SCFD2: variants seen among roughly 807,000 people sequenced by gnomAD.
The protein encoded by SCFD2 is sec1 family domain containing 2.
SCFD2 carries 54 observed loss-of-function variants against 58.9 expected under a neutral mutation model. That is an observed-to-expected ratio of 0.92 (90% confidence interval 0.74 to 1.15). The LOEUF (loss-of-function observed/expected upper bound fraction) is 1.15, where lower values mean the gene tolerates loss of function less well. Among genes scored for constraint, SCFD2 ranks in the 50% most tolerant of loss-of-function variants. SCFD2 has a pLI of 0.00. For missense variants in SCFD2, 805 were observed against 836.6 expected (o/e 0.96, Z 0.47); for synonymous variants, 321 against 335.9 (o/e 0.96, Z 0.49).
intron 3 of SCFD2, among the ~76,000 whole-genome samples, chr4:53,288,731 C>T (rs536717795): frequency 6.6e-5 from 10 of 152,272 alleles, no homozygotes; most frequent in African/African-American, 2.4e-4. Flanking sequence ...CATTACTAAA[C>T]CAGCTTCAGA....
chr4:53,221,925 C>T (rs532362297), intron 4 of SCFD2, among the ~76,000 whole-genome samples: 3 of 152,318 alleles, frequency 2.0e-5, no homozygotes, highest in Non-Finnish European at 2.9e-5. Context: ...CAAAATACTA[C>T]ATTAGCAACA....
intron 4 of SCFD2, among the ~76,000 whole-genome samples, chr4:53,158,234 G>A (rs1172894210): frequency 6.6e-6 from 1 of 152,106 alleles, no homozygotes; most frequent in Non-Finnish European, 1.5e-5. Context: ...TATCCTGTTC[G>A]AGTCCCTATA....
At chr4:53,036,625 A>C (rs1359410645) in intron 5 of SCFD2, among the ~76,000 whole-genome samples, 2 of 151,764 alleles carry the variant, frequency 1.3e-5, no homozygotes, top group Non-Finnish European at 2.9e-5. Flanking sequence ...TTCTCACGCA[A>C]AAGTGGGAGT....
intron 7 of SCFD2, among the ~76,000 whole-genome samples, chr4:52,905,199 T>C (rs1032506763): frequency 4.6e-5 from 7 of 152,258 alleles, no homozygotes; most frequent in African/African-American, 1.4e-4. Context: ...ACATCTTCTC[T>C]TGATGGCCTC....
intron 4 of SCFD2, among the ~76,000 whole-genome samples, chr4:53,253,591 G>C (rs1343447705): frequency 1.3e-5 from 2 of 151,870 alleles, no homozygotes; most frequent in South Asian, 2.1e-4. Flanking sequence ...CCTTTGTAGG[G>C]ACATGGATGA....
At chr4:52,931,059 C>T (rs56157639) in intron 5 of SCFD2, among the ~76,000 whole-genome samples, 1 of 152,164 alleles carries the variant, frequency 6.6e-6, no homozygotes, top group Non-Finnish European at 1.5e-5. Flanking sequence ...TCTTCCCATT[C>T]CCAAGGAAGG....
At chr4:53,212,081 C>A (rs1317720233) in intron 4 of SCFD2, among the ~76,000 whole-genome samples, 1 of 152,088 alleles carries the variant, frequency 6.6e-6, no homozygotes, top group Non-Finnish European at 1.5e-5. Context: ...ATAGTACACC[C>A]CCCAACCAAA....
intron 4 of SCFD2, among the ~76,000 whole-genome samples, chr4:53,235,568 G>T (rs1467849997): frequency 1.3e-5 from 2 of 152,274 alleles, no homozygotes; most frequent in African/African-American, 4.8e-5. Context: ...TAAACGAGAA[G>T]TAAATATAAA....
intron 5 of SCFD2, among the ~76,000 whole-genome samples, chr4:52,970,461 G>T (rs1033049817): frequency 6.6e-6 from 1 of 152,230 alleles, no homozygotes; most frequent in Non-Finnish European, 1.5e-5. Context: ...GTGGCAGCGA[G>T]GCTCGGGGAG....
chr4:53,331,411 G>T (rs1733460835), intron 2 of SCFD2, among the ~76,000 whole-genome samples: 1 of 152,140 alleles, frequency 6.6e-6, no homozygotes, highest in African/African-American at 2.4e-5. Flanking sequence ...AGACCACAGT[G>T]CAATCAAACT....
At chr4:53,247,334 T>G (rs1371655813) in intron 4 of SCFD2, among the ~76,000 whole-genome samples, 1 of 152,186 alleles carries the variant, frequency 6.6e-6, no homozygotes, top group Non-Finnish European at 1.5e-5. Context: ...AGTATGGAGA[T>G]TCCTCAAAGA....
intron 4 of SCFD2, among the ~76,000 whole-genome samples, chr4:53,222,176 C>A (rs558841987): frequency 6.6e-6 from 1 of 152,240 alleles, no homozygotes; most frequent in African/African-American, 2.4e-5. Context: ...TTTTCTAACA[C>A]AAGAAAACAG....
At chr4:52,890,799 G>A (rs1352870407) in intron 7 of SCFD2, among the ~76,000 whole-genome samples, 8 of 152,176 alleles carry the variant, frequency 5.3e-5, no homozygotes, top group East Asian at 1.9e-4. Flanking sequence ...TGAGGTGTGC[G>A]CCCCTGAGAG....
intron 5 of SCFD2, among the ~76,000 whole-genome samples, chr4:53,029,415 AGCT>A (rs1188210206): frequency 6.6e-6 from 1 of 152,178 alleles, no homozygotes; most frequent in Non-Finnish European, 1.5e-5. Context: ...GCAAGATAGA[AGCT>A]CTAATATTTT....
At chr4:53,154,911 G>A (rs1726619701) in intron 4 of SCFD2, among the ~76,000 whole-genome samples, 1 of 152,216 alleles carries the variant, frequency 6.6e-6, no homozygotes, top group African/African-American at 2.4e-5. Context: ...AAGGCCATGA[G>A]CCATGGAATG....
chr4:53,095,865 C>A (rs1262493491), intron 5 of SCFD2, among the ~76,000 whole-genome samples: 1 of 151,836 alleles, frequency 6.6e-6, no homozygotes, highest in African/African-American at 2.4e-5. Context: ...TGCTATCCCT[C>A]CCCCCATCCC....
chr4:52,921,941 T>C (rs1206866689), intron 5 of SCFD2, among the ~76,000 whole-genome samples: 1 of 152,144 alleles, frequency 6.6e-6, no homozygotes, highest in African/African-American at 2.4e-5. Context: ...CGTGGAGGAA[T>C]AATTCTGAGT....
chr4:53,273,538 G>T (rs1001171406), intron 4 of SCFD2: 26 of 234,324 alleles, frequency 1.1e-4, no homozygotes, highest in Admixed American at 5.1e-4. Context: ...AGCAAGAAAG[G>T]TCCAAATGGC....
intron 3 of SCFD2, among the ~76,000 whole-genome samples, chr4:53,299,888 A>AG (rs1352462145): frequency 6.6e-6 from 1 of 152,220 alleles, no homozygotes. Flanking sequence ...TTTACACACA[A>AG]GCAAATGCTG....
Sources: gnomAD v4.1 joint callset for allele counts (sites outside exome capture counted in the v4.1 genomes callset) on GRCh38, gnomAD v4.1.1 for gene constraint, MANE v1.5 for transcripts, NCBI Gene and HGNC (gene_info 2026-07-23, HGNC 2026-07-21) for gene names.